Variants in LMBR1 observed in about 807,000 individuals in gnomAD.
LMBR1 encodes limb development membrane protein 1.
A neutral mutation model predicts 73.9 loss-of-function variants in LMBR1; 52 were observed. That is an observed-to-expected ratio of 0.70 (90% CI 0.56 to 0.89). The LOEUF is 0.89. Among genes scored for constraint, LMBR1 ranks in the 40% least tolerant of loss-of-function variants. The pLI is 0.00. For synonymous variants in LMBR1, 215 were observed against 209.4 expected (o/e 1.03, Z -0.23); for missense variants, 539 against 579.8 (o/e 0.93, Z 0.72).
chr7:156,699,853 C>A (rs371922969), intron 15 of LMBR1, among the ~76,000 whole-genome samples: 1 of 152,086 alleles, frequency 6.6e-6, no homozygotes, highest in East Asian at 1.9e-4. Flanking sequence ...CACAATGAGA[C>A]ACCATCTCAC....
chr7:156,824,480 G>C (rs572195026), intron 4 of LMBR1, among the ~76,000 whole-genome samples: 2 of 152,086 alleles, frequency 1.3e-5, no homozygotes, highest in African/African-American at 4.8e-5. Context: ...GAACATAATA[G>C]CAATGAAAAA....
intron 15 of LMBR1, among the ~76,000 whole-genome samples, chr7:156,692,966 T>C (rs996781767): frequency 6.6e-6 from 1 of 152,188 alleles, no homozygotes; most frequent in Admixed American, 6.5e-5. Flanking sequence ...AGGAAAATTA[T>C]ACTGTGGGAT....
At chr7:156,870,630 C>G (rs1799135093) in intron 1 of LMBR1, among the ~76,000 whole-genome samples, 1 of 151,456 alleles carries the variant, frequency 6.6e-6, no homozygotes, top group East Asian at 1.9e-4. Context: ...CCAGGCGTGG[C>G]AGCAGGCGCC....
At chr7:156,718,603 A>T (rs1813753977) in intron 15 of LMBR1, among the ~76,000 whole-genome samples, 1 of 151,852 alleles carries the variant, frequency 6.6e-6, no homozygotes, top group Admixed American at 6.6e-5. Flanking sequence ...GTGTGGTGTA[A>T]GTAGCTGCCA....
At chr7:156,861,272 G>A (rs1042507894) in intron 1 of LMBR1, among the ~76,000 whole-genome samples, 4 of 152,174 alleles carry the variant, frequency 2.6e-5, no homozygotes, top group African/African-American at 9.6e-5. Flanking sequence ...AAGCTGCCAA[G>A]GCTTGGGGCT....
chr7:156,750,073 G>A (rs1455015334), intron 9 of LMBR1, among the ~76,000 whole-genome samples: 1 of 152,152 alleles, frequency 6.6e-6, no homozygotes, highest in African/African-American at 2.4e-5. Flanking sequence ...AAGAAACTGA[G>A]TTGAATTATT....
chr7:156,833,154 G>A (rs1016962892), intron 3 of LMBR1, among the ~76,000 whole-genome samples: 2 of 152,254 alleles, frequency 1.3e-5, no homozygotes, highest in Admixed American at 1.3e-4. Context: ...CTATAAACTT[G>A]AAATTTCAAA....
intron 5 of LMBR1, among the ~76,000 whole-genome samples, chr7:156,778,298 T>C (rs1049759219): frequency 1.3e-5 from 2 of 152,230 alleles, no homozygotes; most frequent in African/African-American, 2.4e-5. Flanking sequence ...GCTGCCACGG[T>C]ACAAGCCATC....
At chr7:156,785,448 C>T (rs1827895211) in intron 5 of LMBR1, among the ~76,000 whole-genome samples, 1 of 152,072 alleles carries the variant, frequency 6.6e-6, no homozygotes, top group African/African-American at 2.4e-5. Flanking sequence ...CCAAATAAGA[C>T]CCAGGAGAGG....
intron 5 of LMBR1, among the ~76,000 whole-genome samples, chr7:156,788,062 C>T (rs967778190): frequency 6.6e-6 from 1 of 152,124 alleles, no homozygotes; most frequent in Non-Finnish European, 1.5e-5. Flanking sequence ...GTGTGAGCCA[C>T]CATACCTGGC....
At chr7:156,813,850 C>T (rs1463280291) in intron 4 of LMBR1, among the ~76,000 whole-genome samples, 1 of 152,038 alleles carries the variant, frequency 6.6e-6, no homozygotes. Flanking sequence ...GAAAAAACAC[C>T]ATCTCTTGAA....
At chr7:156,892,407 C>G (rs969548611) in intron 1 of LMBR1, 2 of 152,210 alleles carry the variant, frequency 1.3e-5, no homozygotes, top group African/African-American at 4.8e-5. Context: ...CGCAGCCCGG[C>G]CCTTCCCGGA....
chr7:156,764,103 G>A (rs1823644025), intron 5 of LMBR1, among the ~76,000 whole-genome samples: 1 of 152,080 alleles, frequency 6.6e-6, no homozygotes, highest in Admixed American at 6.5e-5. Flanking sequence ...ATTTCTATCC[G>A]TGATTCTAAT....
At chr7:156,803,222 A>G (rs1382512250) in intron 4 of LMBR1, among the ~76,000 whole-genome samples, 4 of 152,254 alleles carry the variant, frequency 2.6e-5, no homozygotes, top group African/African-American at 7.2e-5. Flanking sequence ...GCAACTTACA[A>G]AATGGGAGAA....
chr7:156,754,430 C>T (rs1386135902), intron 9 of LMBR1, among the ~76,000 whole-genome samples: 5 of 152,066 alleles, frequency 3.3e-5, no homozygotes, highest in East Asian at 1.9e-4. Flanking sequence ...TTTGCATTAA[C>T]GGTACAACTG....
intron 1 of LMBR1, chr7:156,892,665 G>A (rs887649377): frequency 3.7e-5 from 12 of 325,144 alleles, no homozygotes; most frequent in Non-Finnish European, 6.7e-5. Flanking sequence ...CGAACGGAGG[G>A]AGCGCGAGGG....
intron 5 of LMBR1, among the ~76,000 whole-genome samples, chr7:156,773,917 A>C (rs1052498133): frequency 1.3e-5 from 2 of 152,162 alleles, no homozygotes; most frequent in African/African-American, 4.8e-5. Flanking sequence ...ACAAACCAAC[A>C]GAGTAAACAA....
At position 156,778,351 on chromosome 7, in the gene LMBR1, G is replaced by A. The variant is rs554570094; in HGVS notation, c.424-14556C>T. Among the ~76,000 whole-genome samples, 6 of 152,266 alleles carry A rather than the reference G, an allele frequency of 3.9e-5. No homozygotes were observed. The South Asian group carries it at 1.2e-3, about 32-fold the overall frequency. ...TTATGCTTGTCCTATGAAATATTAAGATAACTGATATAGTAAGAAAGAGCT... is the reference window on the plus strand; with the variant it reads ...TTATGCTTGTCCTATGAAATATTAAAATAACTGATATAGTAAGAAAGAGCT... On this transcript the variant is annotated intron_variant, in intron 5 of 16. Transcript: ENST00000353442.
chr7:156,881,873 T>C (rs1378592538), intron 1 of LMBR1, among the ~76,000 whole-genome samples: 4 of 151,240 alleles, frequency 2.6e-5, no homozygotes, highest in Admixed American at 2.6e-4. Context: ...CCTTGCACAC[T>C]TGGTGAGAAT....
Sources: allele counts gnomAD v4.1 joint callset (sites outside exome capture counted in the v4.1 genomes callset), GRCh38; gene constraint gnomAD v4.1.1; transcripts MANE v1.5; gene names NCBI Gene and HGNC (gene_info 2026-07-23, HGNC 2026-07-21).